NBPF12: variants seen among roughly 807,000 people sequenced by gnomAD.
NBPF12 encodes NBPF member 12, also known as NBPF family member NBPF12.
NBPF12 carries 115 observed loss-of-function variants against 146.4 expected under a neutral mutation model. That is an observed-to-expected ratio of 0.79 (90% CI 0.68 to 0.92). The LOEUF (loss-of-function observed/expected upper bound fraction) is 0.92. NBPF12 is among the 40% of genes least tolerant of loss of function. NBPF12 has a pLI of 0.00. For missense variants in NBPF12, 1,205 were observed against 1,326.8 expected, an observed-to-expected ratio of 0.91 and a Z score of 1.43; for synonymous variants, 385 against 508.9, an observed-to-expected ratio of 0.76 and a Z score of 3.28.
intron 4 of NBPF12, among the ~76,000 whole-genome samples, chr1:146,961,512 C>G (rs1406443041): frequency 6.6e-6 from 1 of 152,126 alleles, no homozygotes; most frequent in African/African-American, 2.4e-5. Flanking sequence ...TCTGATGTTT[C>G]TAAATTAACA....
At chr1:146,972,604 A>C (rs1263103092) in intron 13 of NBPF12, 147 bp from the exon 17 acceptor site, 1 of 778,266 alleles carries the variant, frequency 1.3e-6, no homozygotes, top group Non-Finnish European at 2.3e-6. Flanking sequence ...AAAGGAGATC[A>C]AGACTGGAGA....
chr1:146,940,543 G>A (rs1654752090), intron 1 of NBPF12, among the ~76,000 whole-genome samples: 1 of 125,832 alleles, frequency 7.9e-6, no homozygotes, highest in South Asian at 3.4e-4. Context: ...ATGGCAGAGT[G>A]CAACCCTGCC....
intron 5 of NBPF12, 109 bp from the exon 9 acceptor site, chr1:146,962,986 C>G: frequency 1.3e-6 from 1 of 758,054 alleles, no homozygotes; most frequent in Non-Finnish European, 2.2e-6. Context: ...TGCTGACCTT[C>G]TGCTTGAAGG....
At chr1:146,955,064 A>T (rs1283282895) in intron 2 of NBPF12, among the ~76,000 whole-genome samples, 2 of 104,618 alleles carry the variant, frequency 1.9e-5, no homozygotes, top group African/African-American at 3.5e-5. Flanking sequence ...AAACAGCACA[A>T]TGAAACAATT....
At position 146,962,295 on chromosome 1, in the gene NBPF12, G is replaced by A. The variant is rs1459843449; in HGVS notation, c.278+32G>A. 1.7e-4 allele frequency: 271 copies of A among 1,552,786 alleles called. 1 individual carries two copies. The highest frequency in any genetic ancestry group is 2.2e-4 in the Non-Finnish European group (248 of 1,135,102). ...GGACCCCATGGGGGGAGGCAGGCGG[G>A]TAGGTGTGTAGATCTCTGAAGTACA... On this transcript the variant is annotated intron_variant, in intron 5 of 33. Transcript: ENST00000617844.
At position 146,994,268 on chromosome 1, in the gene NBPF12, C is replaced by T. The variant is rs1479534223; in HGVS notation, c.4131-64C>T. ...CACTTCCTTATGTTACTTCTGAAAT[C>T]TAGTGAGGCTCTGTGGTGTCTGACT... On this transcript the variant is annotated intron_variant, in intron 33 of 33. Transcript: ENST00000617844. 3.1e-6 allele frequency: 5 copies of T among 1,610,800 alleles called. No individual in the cohort carries two copies. The African/African-American group carries it at 4.0e-5, about 13-fold the overall frequency.
At chr1:146,952,822 T>A (rs1351615951) in intron 2 of NBPF12, among the ~76,000 whole-genome samples, 1 of 151,100 alleles carries the variant, frequency 6.6e-6, no homozygotes, top group Non-Finnish European at 1.5e-5. Flanking sequence ...GGTCCGTATT[T>A]CTTCCCTCTC....
At position 146,994,442 on chromosome 1, in the gene NBPF12, A is replaced by T. The variant is rs587743545; in HGVS notation, c.4241A>T (p.His1414Leu). ...TTTGAACTACCTGACTCATTCCAGCACTACAGAAGTGTGTTTTACTCATTT... is the reference window on the plus strand; with the variant it reads ...TTTGAACTACCTGACTCATTCCAGCTCTACAGAAGTGTGTTTTACTCATTT... The change falls in exon 34 of 34, where the codon CAC (histidine) becomes CTC (leucine). Residue 1414 changes from histidine to leucine, a missense_variant. This residue lies in a region of NBPF12 where 210 missense variants were observed against 94.4 expected (regional missense o/e 2.22). Coordinates refer to ENST00000617844, the Ensembl canonical transcript of NBPF12. The T allele has an allele frequency of 4.3e-6, 7 of 1,611,960 alleles. No homozygotes were observed. In the South Asian group the frequency reaches 6.6e-5, roughly 15 times the overall value.
At chr1:146,972,993 A>G in intron 14 of NBPF12, 33 bp downstream of exon 17, 1 of 890,500 alleles carries the variant, frequency 1.1e-6, no homozygotes, top group Non-Finnish European at 1.9e-6. Flanking sequence ...CATGAAAGTG[A>G]TGAACGAAGT....
chr1:146,957,777 G>T (rs1488375414), intron 2 of NBPF12: 1 of 130,638 alleles, frequency 7.7e-6, no homozygotes. Context: ...TGTCCTCCTC[G>T]CCACGACTCT....
intron 1 of NBPF12, 125 bp from the exon 2 acceptor site, chr1:146,943,166 C>T (rs1259665628): frequency 6.4e-6 from 1 of 157,410 alleles, no homozygotes; most frequent in Non-Finnish European, 1.4e-5. Context: ...ACTCTAGTTC[C>T]CCACCACCTT....
At chr1:146,953,811 C>T (rs1186125838) in intron 2 of NBPF12, among the ~76,000 whole-genome samples, 1 of 150,280 alleles carries the variant, frequency 6.7e-6, no homozygotes, top group African/African-American at 2.5e-5. Context: ...TTTAATTCAG[C>T]ATTATACTAG....
At chr1:146,984,724 T>G in intron 21 of NBPF12, 89 bp from the exon 25 acceptor site, 2 of 644,796 alleles carry the variant, frequency 3.1e-6, no homozygotes, top group Non-Finnish European at 5.4e-6. Context: ...CTTTTCAAAC[T>G]CTTCCTTATG....
At chr1:146,986,092 C>T (rs1181149209) in intron 23 of NBPF12, among the ~76,000 whole-genome samples, 1 of 152,016 alleles carries the variant, frequency 6.6e-6, no homozygotes, top group East Asian at 1.9e-4. Context: ...GTCCTTTGAC[C>T]CCTTCATCAG....
At chr1:146,972,542 A>G (rs1656719332) in intron 13 of NBPF12, among the ~76,000 whole-genome samples, 1 of 151,690 alleles carries the variant, frequency 6.6e-6, no homozygotes, top group Non-Finnish European at 1.5e-5. Flanking sequence ...AAAGTGTAGA[A>G]GTGTTTATGT....
At chr1:146,981,291 AAAAATAT>A (rs1410909039) in intron 19 of NBPF12, among the ~76,000 whole-genome samples, 14 of 106,460 alleles carry the variant, frequency 1.3e-4, no homozygotes, top group African/African-American at 5.4e-4. Flanking sequence ...AAAAAAAAAA[AAAAATAT>A]ATATATATAT....
exon 34 of NBPF12, chr1:146,995,032 G>C (rs1379625222): frequency 5.1e-6 from 1 of 196,762 alleles, no homozygotes; most frequent in East Asian, 1.3e-4. Context: ...TGTAACACAG[G>C]AGGGATCCTT....
rs1242726949 is a variant in NBPF12 at position 146,959,360 on chromosome 1, C to T, written c.-183-499C>T. 6.9e-5 allele frequency among the ~76,000 whole-genome samples: 3 copies of T among 43,530 alleles called. 1 individual carries two copies. The highest frequency in any genetic ancestry group is 1.1e-4 in the Non-Finnish European group (3 of 27,316). The allele number at this position is 43,530 out of a possible 152,430, so 28.6% of individuals were successfully genotyped here. On this transcript the variant is annotated intron_variant, in intron 2 of 33. Transcript: ENST00000617844. ...AAAATTAGCCGGGCGTGGTGGCGGG[C>T]GCCTGTATTCCCAGCTACTTGGGAG...
chr1:146,994,858 A>G (rs1559534341), exon 34 of NBPF12: 1 of 560,786 alleles, frequency 1.8e-6, no homozygotes, highest in Non-Finnish European at 3.0e-6. Flanking sequence ...TAGCTACAAA[A>G]TTCCTCAGGG....
Sources: gnomAD v4.1 joint callset for allele counts (sites outside exome capture counted in the v4.1 genomes callset) on GRCh38, gnomAD v4.1.1 for gene constraint, gnomAD v4.1.1 regional missense constraint, MANE v1.5 for transcripts, NCBI Gene and HGNC (gene_info 2026-07-23, HGNC 2026-07-21) for gene names.